Variants in PSG9 observed in about 807,000 individuals in gnomAD.
The protein encoded by PSG9 is pregnancy specific beta-1-glycoprotein 9, also known as pregnancy-specific beta-1-glycoprotein 9.
In PSG9, 49 loss-of-function variants were observed where a neutral mutation model predicts 41.9. That is an observed-to-expected ratio of 1.17 (90% CI 0.93 to 1.48). The LOEUF is 1.48. Among genes scored for constraint, PSG9 ranks in the 40% most tolerant of loss-of-function variants. The probability of loss-of-function intolerance (pLI) is 0.00; values close to 1 mark genes in which losing one functional copy is unlikely to be tolerated. For synonymous variants in PSG9, 263 were observed against 196.8 expected (o/e 1.34, Z -2.82); for missense variants, 641 against 520.3 (o/e 1.23, Z -2.26).
rs376022285 is a variant in PSG9, at chr19:43,262,147, A to G, written c.431-9T>C. ...GGGCTTGGGAGTCTCCACTGTGCAG[A>G]AAACAGAGAGAAGATTGCCCTGTGT... On this transcript the variant is annotated splice_polypyrimidine_tract_variant and intron_variant, in intron 2 of 5. Coordinates refer to ENST00000270077, the MANE Select transcript of PSG9 (RefSeq NM_002784.5). The G allele has an allele frequency of 4.8e-5, 78 of 1,609,826 alleles. No individual in the cohort carries two copies. The highest frequency in any genetic ancestry group is 5.4e-5 in the Non-Finnish European group (63 of 1,177,260).
At position 43,269,497 on chromosome 19, in the gene PSG9, C is replaced by T. The variant is rs114344064; in HGVS notation, c.-66G>A. 2.1e-3 allele frequency: 3,432 copies of T among 1,599,506 alleles called. 72 individuals carry two copies. In the African/African-American group the frequency reaches 0.04, roughly 19 times the overall value. On this transcript the variant is annotated 5_prime_UTR_variant, in exon 1 of 6. It adds an upstream start codon to the 5' untranslated region. Coordinates refer to ENST00000270077, the MANE Select transcript of PSG9 (RefSeq NM_002784.5). ...CTGGGATCCAGAAGCTGTCTGAGCA[C>T]GGCTGTCAGCTGTGCTGTCCTTCCT...
At chr19:43,268,664 G>C (rs763018880) in intron 1 of PSG9, among the ~76,000 whole-genome samples, 12 of 152,124 alleles carry the variant, frequency 7.9e-5, no homozygotes, top group Non-Finnish European at 1.5e-4. Context: ...TGTGATCCTG[G>C]TTGCACCCCA....
chr19:43,263,976 G>A (rs1220912823), intron 2 of PSG9, among the ~76,000 whole-genome samples: 1 of 152,142 alleles, frequency 6.6e-6, no homozygotes, highest in Non-Finnish European at 1.5e-5. Context: ...ACAGGTAGGT[G>A]AAATGCTTTC....
At chr19:43,268,766 T>A (rs902636846) in intron 1 of PSG9, among the ~76,000 whole-genome samples, 14 of 151,142 alleles carry the variant, frequency 9.3e-5, no homozygotes, top group African/African-American at 3.4e-4. Flanking sequence ...ATTGTTGAGG[T>A]TTTTTGCTGA....
chr19:43,265,364 A>C (rs1404681845), intron 2 of PSG9, among the ~76,000 whole-genome samples: 6 of 152,144 alleles, frequency 3.9e-5, no homozygotes, highest in Non-Finnish European at 8.8e-5. Flanking sequence ...CTATTGTAGA[A>C]CGTGAGATTG....
At position 43,263,507 on chromosome 19, in the gene PSG9, G is replaced by C. The variant is rs1222743985; in HGVS notation, c.431-1369C>G. Among the ~76,000 whole-genome samples the C allele has an allele frequency of 4.6e-5, 7 of 151,940 alleles. No individual in the cohort carries two copies. In the South Asian group the frequency reaches 8.3e-4, roughly 18 times the overall value. ...TTTCAGATTGTGGATTTCTGGATTT[G>C]GGATGCTCAATTTGTTATACTGTAA... is the stretch of plus-strand genomic sequence containing the variant. On this transcript the variant is annotated intron_variant, in intron 2 of 5. Coordinates refer to ENST00000270077, the MANE Select transcript of PSG9 (RefSeq NM_002784.5).
chr19:43,261,824 G>T lies in PSG9; in HGVS notation c.709+36C>A, dbSNP rs370730360. The T allele has an allele frequency of 2.5e-6, 4 of 1,614,036 alleles. No homozygotes were observed. In the African/African-American group the frequency reaches 5.3e-5, roughly 22 times the overall value. ...GCCTCTGGCCATGTGTATTTGGGAT[G>T]GCAGCCTGGCTCACAGAGGAACAGA... On this transcript the variant is annotated intron_variant, in intron 3 of 5. Transcript: ENST00000270077.
At chr19:43,262,265 G>A (rs1968761944) in intron 2 of PSG9, 127 bp from the exon 3 acceptor site, 8 of 1,499,720 alleles carry the variant, frequency 5.3e-6, no homozygotes, top group South Asian at 2.7e-5. Context: ...CATGGCAGGT[G>A]TGTGTGTTAC....
At chr19:43,262,819 G>T (rs370729292) in intron 2 of PSG9, among the ~76,000 whole-genome samples, 4 of 152,186 alleles carry the variant, frequency 2.6e-5, no homozygotes, top group Non-Finnish European at 5.9e-5. Context: ...CCTACAAAGA[G>T]TGAAGGGGCC....
chr19:43,260,577 T>C (rs1968664161), intron 3 of PSG9: 1 of 146,902 alleles, frequency 6.8e-6, no homozygotes, highest in South Asian at 2.2e-4. Context: ...TCATATATTT[T>C]TTAAAGCTTT....
At chr19:43,263,352 T>A (rs867290828) in intron 2 of PSG9, among the ~76,000 whole-genome samples, 57 of 152,148 alleles carry the variant, frequency 3.7e-4, no homozygotes, top group Admixed American at 2.7e-3. Context: ...TAATTTTTTT[T>A]ATTTTGGAAT....
chr19:43,257,955 G>T lies in PSG9; in HGVS notation c.1243+247C>A. ...TCTGAAGCCTCTTCTACCACATAGG[G>T]CTCAGGGCTGATAAAGCCCCCTCCC... On this transcript the variant is annotated intron_variant, in intron 5 of 5. Transcript: ENST00000270077. 8 of 1,448,160 alleles carry T rather than the reference G, an allele frequency of 5.5e-6. No homozygotes were observed. In the South Asian group the frequency reaches 8.9e-5, roughly 16 times the overall value. 89.7% of individuals were successfully genotyped at this position (1,448,160 alleles called of 1,614,324 possible).
intron 2 of PSG9, among the ~76,000 whole-genome samples, 165 bp downstream of exon 2, chr19:43,267,619 G>A (rs1274928861): frequency 2.0e-5 from 3 of 152,116 alleles, no homozygotes; most frequent in Non-Finnish European, 4.4e-5. Context: ...CTGATCTGTT[G>A]AAATTTGTCT....
At chr19:43,268,584 C>A (rs1285985801) in intron 1 of PSG9, among the ~76,000 whole-genome samples, 2 of 152,152 alleles carry the variant, frequency 1.3e-5, no homozygotes, top group Non-Finnish European at 2.9e-5. Context: ...CCTGATCTCA[C>A]ATTCTACATC....
chr19:43,265,204 A>C (rs1968910843), intron 2 of PSG9, among the ~76,000 whole-genome samples: 1 of 152,146 alleles, frequency 6.6e-6, no homozygotes, highest in Admixed American at 6.5e-5. Context: ...TGCTTTTGTC[A>C]AACTAGTGAA....
rs377712956 is a variant in PSG9, at chr19:43,258,942, C to G, written c.903G>C (p.Thr301=). ...ENRILILPSV[T]RNETGPYQCE... ...ATTGATAGGGTCCTGTTTCATTTCT[C>G]GTGACACTGGGTAGAATGAGTATCC... The change falls in exon 4 of 6, where the codon ACG becomes ACC. Residue 301 remains threonine (T), a synonymous_variant. Coordinates refer to ENST00000270077, the MANE Select transcript of PSG9 (RefSeq NM_002784.5). The G allele has an allele frequency of 6.3e-7, 1 of 1,590,020 alleles. No individual in the cohort carries two copies. The highest frequency in any genetic ancestry group is 1.1e-5 in the South Asian group (1 of 89,870).
At chr19:43,266,109 G>A (rs12978010) in intron 2 of PSG9, among the ~76,000 whole-genome samples, 56,974 of 151,112 alleles carry the variant, frequency 0.38, 11,243 homozygotes, top group East Asian at 0.59. Flanking sequence ...AGCAGAGAGA[G>A]GCAGAGACAC....
At position 43,257,440 on chromosome 19, in the gene PSG9, C is replaced by T. The variant is rs1063060; in HGVS notation, c.1243+762G>A. On this transcript the variant is annotated intron_variant, in intron 5 of 5. Transcript: ENST00000270077. Reference sequence around the variant, plus strand: ...AACCCCAACGGTGAATCTCCCTATTCCTCCAGCTCTGCATCAGTCACTGTC... The same window carrying T: ...AACCCCAACGGTGAATCTCCCTATTTCTCCAGCTCTGCATCAGTCACTGTC... The T allele has an allele frequency of 6.9e-5, 67 of 977,542 alleles. 6 individuals are homozygous for T. The African/African-American group carries it at 7.9e-4, about 12-fold the overall frequency. 60.6% of individuals were successfully genotyped at this position (977,542 alleles called of 1,614,324 possible).
At chr19:43,265,970 G>A (rs2122122177) in intron 2 of PSG9, among the ~76,000 whole-genome samples, 1 of 152,214 alleles carries the variant, frequency 6.6e-6, no homozygotes, top group East Asian at 1.9e-4. Context: ...AGTGTTAGTA[G>A]GAAGGGAACC....
Sources: gnomAD v4.1 joint callset for allele counts (sites outside exome capture counted in the v4.1 genomes callset) on GRCh38, gnomAD v4.1.1 for gene constraint, MANE v1.5 for transcripts, NCBI Gene and HGNC (gene_info 2026-07-23, HGNC 2026-07-21) for gene names.